Variants in NBPF8 observed in about 807,000 individuals in gnomAD.
NBPF8 encodes NBPF member 8.
chr1:120,433,994 G>T (rs1660988061), upstream of NBPF8: 1 of 169,654 alleles, frequency 5.9e-6, no homozygotes, highest in Non-Finnish European at 1.3e-5. Context: ...TGGAAGGCGG[G>T]TCCTTGTTGC....
chr1:120,415,504 A>T (rs1469760106), upstream of NBPF8, among the ~76,000 whole-genome samples: 2 of 151,424 alleles, frequency 1.3e-5, no homozygotes, highest in Admixed American at 1.3e-4. Flanking sequence ...TGGGGAAGAA[A>T]CTCGCTGGCG....
chr1:120,464,673 C>A, intron 23 of NBPF8, 125 bp downstream of exon 21: 1 of 600,624 alleles, frequency 1.7e-6, no homozygotes, highest in East Asian at 2.8e-5. Flanking sequence ...CCTATAGGCA[C>A]ATGTAGGTTG....
chr1:120,446,422 A>T (rs1661163819), intron 8 of NBPF8, among the ~76,000 whole-genome samples: 2 of 41,930 alleles, frequency 4.8e-5, no homozygotes, highest in South Asian at 1.5e-3. Context: ...TGAGTGAGTG[A>T]TTTATCTTTC....
chr1:120,452,450 C>T lies in NBPF8; in HGVS notation n.2289+119C>T, dbSNP rs1415482877. ...GTTTTTTTCCACTAAGCTTATGTGG[C>T]CATGACATGACCAGGACTTCTTGGG... On this transcript the variant is annotated intron_variant and non_coding_transcript_variant, in intron 13 of 24. Transcript: ENST00000583271. The T allele has an allele frequency of 2.3e-5, 15 of 662,878 alleles. No homozygotes were observed. In the African/African-American group the frequency reaches 2.6e-4, roughly 12 times the overall value. The allele number at this position is 662,878 out of a possible 1,614,324, so 41.1% of individuals were successfully genotyped here. A position where few individuals can be genotyped will look rare whatever the true frequency, so the allele number is the denominator to read the frequency against.
At chr1:120,461,013 G>A (rs1363151163) in intron 18 of NBPF8, among the ~76,000 whole-genome samples, 6 of 105,350 alleles carry the variant, frequency 5.7e-5, no homozygotes, top group South Asian at 3.2e-4. Flanking sequence ...CACTGAGCTC[G>A]AACTGTGTGT....
chr1:120,452,078 C>A (rs1553248913), intron 12 of NBPF8, 39 bp from the exon 11 acceptor site: 3 of 1,433,438 alleles, frequency 2.1e-6, no homozygotes, highest in East Asian at 2.3e-5. Flanking sequence ...ATCACTCAAC[C>A]CTTTCCACTC....
At chr1:120,449,808 C>A (rs1556606485) in intron 11 of NBPF8, among the ~76,000 whole-genome samples, 1 of 152,212 alleles carries the variant, frequency 6.6e-6, no homozygotes, top group South Asian at 2.1e-4. Context: ...TGAGGCCCAA[C>A]AGACAAAGCT....
intron 1 of NBPF8, among the ~76,000 whole-genome samples, chr1:120,424,382 C>G (rs1660651736): frequency 6.6e-6 from 1 of 151,678 alleles, no homozygotes; most frequent in Non-Finnish European, 1.5e-5. Flanking sequence ...TTAAAATCTG[C>G]TATTAAAATT....
At chr1:120,452,558 G>C (rs1232351889) in intron 13 of NBPF8, among the ~76,000 whole-genome samples, 5 of 152,102 alleles carry the variant, frequency 3.3e-5, no homozygotes, top group Non-Finnish European at 7.3e-5. Context: ...GGTGGTCTCT[G>C]GAGCAAGAGG....
At chr1:120,424,172 T>G (rs1432561844) in intron 1 of NBPF8, among the ~76,000 whole-genome samples, 2 of 152,040 alleles carry the variant, frequency 1.3e-5, no homozygotes, top group Admixed American at 6.6e-5. Flanking sequence ...TATATTTACA[T>G]TTTCCTGTGT....
chr1:120,460,414 C>G (rs1162352053), intron 17 of NBPF8, among the ~76,000 whole-genome samples, 159 bp from the exon 16 acceptor site: 6 of 152,200 alleles, frequency 3.9e-5, no homozygotes, highest in Non-Finnish European at 8.8e-5. Context: ...CCAGTTTTCT[C>G]AAGACTTGAC....
At chr1:120,430,854 A>G (rs3009747) in intron 3 of NBPF8, among the ~76,000 whole-genome samples, 62,208 of 150,754 alleles carry the variant, frequency 0.41, 13,414 homozygotes, top group African/African-American at 0.49. Context: ...AAAGAACTAA[A>G]TTAGTGGGGA....
rs1570945872 is a variant in NBPF8, at chr1:120,462,833, C to T, written n.3101C>T. The T allele has an allele frequency of 1.5e-5, 5 of 334,960 alleles. No homozygotes were observed. The East Asian group carries it at 2.8e-4, about 19-fold the overall frequency. The allele number at this position is 334,960 out of a possible 1,614,324, so 20.7% of individuals were successfully genotyped here. A position where few individuals can be genotyped will look rare whatever the true frequency, so the allele number is the denominator to read the frequency against. ...TGCTGGATGAGAAAGAGCCTGAAGT[C>T]TTGCAGGACTCACTGGATAGATGTT... On this transcript the variant is annotated non_coding_transcript_exon_variant, in exon 21 of 25. Transcript: ENST00000583271.
intron 14 of NBPF8, 76 bp downstream of exon 12, chr1:120,453,520 A>G: frequency 8.5e-7 from 1 of 1,177,488 alleles, no homozygotes; most frequent in Non-Finnish European, 1.2e-6. Flanking sequence ...CCTCTCTGGC[A>G]TCTATGATGG....
At chr1:120,469,574 C>G (rs1203686731), downstream of NBPF8, among the ~76,000 whole-genome samples, 1 of 151,986 alleles carries the variant, frequency 6.6e-6, no homozygotes, top group Non-Finnish European at 1.5e-5. Flanking sequence ...TATATTTGTT[C>G]TCTTAGTACT....
chr1:120,450,454 C>T (rs1264791127), intron 11 of NBPF8, among the ~76,000 whole-genome samples: 3 of 152,024 alleles, frequency 2.0e-5, no homozygotes, highest in Non-Finnish European at 4.4e-5. Context: ...AGTTTCCTCA[C>T]CTGTTCAGAG....
At chr1:120,466,239 G>T in exon 25 of NBPF8, 2 of 1,606,788 alleles carry the variant, frequency 1.2e-6, no homozygotes, top group Non-Finnish European at 1.7e-6. Context: ...TTACTAAGCC[G>T]AGAGGTGTCA....
chr1:120,428,738 T>G (rs12086328), intron 3 of NBPF8, among the ~76,000 whole-genome samples: 66,377 of 142,030 alleles, frequency 0.47, 17,404 homozygotes, highest in African/African-American at 0.67. Flanking sequence ...CCTCAGCCTG[T>G]CAGTCTCTGT....
intron 1 of NBPF8, among the ~76,000 whole-genome samples, chr1:120,421,590 G>A (rs1485825800): frequency 2.4e-5 from 3 of 125,320 alleles, no homozygotes; most frequent in Admixed American, 9.1e-5. Flanking sequence ...CTTTTTCTTT[G>A]TCTCTCATGC....
Sources: allele counts gnomAD v4.1 joint callset (sites outside exome capture counted in the v4.1 genomes callset), GRCh38; gene constraint gnomAD v4.1.1; transcripts MANE v1.5; gene names NCBI Gene and HGNC (gene_info 2026-07-23, HGNC 2026-07-21).